The following CCDC117 variants were observed in gnomAD, a reference collection of about 807,000 sequenced individuals.
CCDC117 encodes coiled-coil domain-containing protein 117.
Under a neutral mutation model 23.5 loss-of-function variants are expected in CCDC117, and 1 was observed. The ratio of observed to expected loss-of-function variants is 0.04; its 90% confidence interval spans 0.02 to 0.20. The LOEUF is 0.20. CCDC117 is among the 10% of genes least tolerant of loss of function. The pLI, the probability that CCDC117 is intolerant of heterozygous loss-of-function variation, is 1.00. For missense variants in CCDC117, 383 were observed against 348.2 expected (o/e 1.10, Z -0.80); for synonymous variants, 132 against 124.8 (o/e 1.06, Z -0.39).
At chr22:28,785,397 G>C (rs751662000) in intron 4 of CCDC117, among the ~76,000 whole-genome samples, 5 of 151,664 alleles carry the variant, frequency 3.3e-5, no homozygotes, top group Non-Finnish European at 7.4e-5. Flanking sequence ...CACATTGCCC[G>C]GGCTGGTTGC....
chr22:28,773,824 G>A (rs1389657316), intron 2 of CCDC117, 46 bp downstream of exon 2: 9 of 1,442,554 alleles, frequency 6.2e-6, no homozygotes, highest in Non-Finnish European at 8.8e-6. Flanking sequence ...ACCGTTAGTT[G>A]AACCCCTGTT....
Position 28,786,533 on chromosome 22 carries a change from A to G in CCDC117, c.*207A>G. On this transcript the variant is annotated 3_prime_UTR_variant, in exon 5 of 5. Transcript: ENST00000249064. ...AGGACGTTTGTCTCAAGGGAAAAGCAGTTTTCTGTGGGGCTTATTAAAGGA... is the reference window on the plus strand; with the variant it reads ...AGGACGTTTGTCTCAAGGGAAAAGCGGTTTTCTGTGGGGCTTATTAAAGGA... 1 of 530,174 alleles carries G rather than the reference A, an allele frequency of 1.9e-6. No individual in the cohort carries two copies. The highest frequency in any genetic ancestry group is 3.3e-6 in the Non-Finnish European group (1 of 299,810). 32.8% of individuals were successfully genotyped at this position (530,174 alleles called of 1,614,324 possible). A position where few individuals can be genotyped will look rare whatever the true frequency, so the allele number is the denominator to read the frequency against.
chr22:28,782,653 G>A (rs977257279), intron 3 of CCDC117, among the ~76,000 whole-genome samples: 1 of 152,030 alleles, frequency 6.6e-6, no homozygotes, highest in Non-Finnish European at 1.5e-5. Context: ...TGGCCAGGCT[G>A]GTCTCGAACT....
At chr22:28,777,613 G>C (rs894879966) in intron 2 of CCDC117, among the ~76,000 whole-genome samples, 1 of 151,002 alleles carries the variant, frequency 6.6e-6, no homozygotes, top group Non-Finnish European at 1.5e-5. Context: ...GGGCTCAAGC[G>C]ATTCTCCTGC....
In CCDC117 at chr22:28,786,169, C is replaced by G. The variant is rs369892620; in HGVS notation, c.683C>G (p.Thr228Ser). 6.2e-7 allele frequency: 1 copy of G among 1,613,992 alleles called. No individual in the cohort carries two copies. Among genetic ancestry groups the G allele is most frequent in the African/African-American group, 1.3e-5 (1 of 74,916 alleles). Residue 228 changes from threonine to serine, a missense_variant, in exon 5 of 5, where the codon ACT (threonine) becomes AGT (serine). Physicochemically the swap from Thr to Ser is moderately conservative, Grantham distance 58. Coordinates refer to ENST00000249064, the MANE Select transcript of CCDC117 (RefSeq NM_173510.4). ...LSDKPKPSSNTKNYTGESQAK... is the reference protein window; with the variant it reads ...LSDKPKPSSNSKNYTGESQAK... ...GATAAGCCAAAGCCATCCTCTAATA[C>G]TAAGAACTATACAGGAGAGAGCCAA...
At chr22:28,780,767 A>G (rs972658947) in intron 2 of CCDC117, among the ~76,000 whole-genome samples, 181 bp from the exon 3 acceptor site, 1 of 152,236 alleles carries the variant, frequency 6.6e-6, no homozygotes, top group Non-Finnish European at 1.5e-5. Context: ...GCAGTAGAAG[A>G]AAACAGTTTA....
intron 2 of CCDC117, among the ~76,000 whole-genome samples, chr22:28,774,915 T>C (rs975283387): frequency 6.6e-6 from 1 of 152,168 alleles, no homozygotes; most frequent in Admixed American, 6.5e-5. Context: ...TTTACTCTTC[T>C]GTAGCTTGTT....
rs769663128 is a variant in CCDC117, at chr22:28,786,471, T to G, written c.*145T>G. 2 of 602,722 alleles carry G rather than the reference T, an allele frequency of 3.3e-6. No homozygotes were observed. The highest frequency in any genetic ancestry group is 5.7e-6 in the Non-Finnish European group (2 of 351,940). 37.3% of individuals were successfully genotyped at this position (602,722 alleles called of 1,614,324 possible). A position where few individuals can be genotyped will look rare whatever the true frequency, so the allele number is the denominator to read the frequency against. The stretch of plus-strand genomic sequence containing the variant: ...CTGTGATTTGGGGGTGGGACTCTTA[T>G]TTTGGGTAGCCATTTATTGACTTCA... On this transcript the variant is annotated 3_prime_UTR_variant, in exon 5 of 5. Coordinates refer to ENST00000249064, the MANE Select transcript of CCDC117 (RefSeq NM_173510.4).
rs1305829155 is a variant in CCDC117 at position 28,788,561 on chromosome 22, C to G, written c.*2235C>G. ...GAATTAAGAATCTGTTAATTAAAAT[C>G]CAAACAGAGCTTATTTCAGTAGTCA... is the stretch of plus-strand genomic sequence containing the variant. On this transcript the variant is annotated 3_prime_UTR_variant, in exon 5 of 5. Coordinates refer to ENST00000249064, the MANE Select transcript of CCDC117 (RefSeq NM_173510.4). The G allele has an allele frequency of 1.3e-5, 2 of 152,580 alleles. No individual in the cohort carries two copies. Among genetic ancestry groups the G allele is most frequent in the Admixed American group, 1.3e-4 (2 of 15,274 alleles). The allele number at this position is 152,580 out of a possible 1,614,324, so 9.5% of individuals were successfully genotyped here.
At position 28,781,961 on chromosome 22, in the gene CCDC117, T is replaced by TA. The variant is rs1450583216; in HGVS notation, c.464+792dup. ...CCCAGCCCCCCCCCTTTTTTTTTTT[T>TA]AAATTGATACAGGGTCTTGCTTTGT... On this transcript the variant is annotated intron_variant, in intron 3 of 4. Coordinates refer to ENST00000249064, the MANE Select transcript of CCDC117 (RefSeq NM_173510.4). 4.7e-5 allele frequency among the ~76,000 whole-genome samples: 7 copies of TA among 148,410 alleles called. No individual in the cohort carries two copies. In the East Asian group the frequency reaches 1.2e-3, roughly 25 times the overall value.
At chr22:28,779,225 G>A (rs6005876) in intron 2 of CCDC117, among the ~76,000 whole-genome samples, 17,709 of 151,696 alleles carry the variant, frequency 0.12, 1,516 homozygotes, top group East Asian at 0.28. Context: ...TTTTTGAGAC[G>A]GAGCCTTGGT....
intron 2 of CCDC117, among the ~76,000 whole-genome samples, chr22:28,777,184 G>A (rs769854240): frequency 2.0e-5 from 3 of 151,476 alleles, no homozygotes; most frequent in East Asian, 3.9e-4. Flanking sequence ...GACTACAGGC[G>A]TGTGATAATT....
rs56119508 is a variant in CCDC117 at position 28,786,807 on chromosome 22, G to A, written c.*481G>A. The A allele has an allele frequency of 0.037, 5,732 of 154,758 alleles. 138 individuals carry two copies. Among genetic ancestry groups the A allele is most frequent in the South Asian group, 0.078 (391 of 4,990 alleles). The allele number at this position is 154,758 out of a possible 1,614,324, so 9.6% of individuals were successfully genotyped here. ...GGGAGAAGAAGGGAAGAGAGCAGCAGTAGCTTAAGCCTGTTGCTAAGAAAT... is the reference window on the plus strand; with the variant it reads ...GGGAGAAGAAGGGAAGAGAGCAGCAATAGCTTAAGCCTGTTGCTAAGAAAT... On this transcript the variant is annotated 3_prime_UTR_variant, in exon 5 of 5. Transcript: ENST00000249064.
At chr22:28,778,097 G>A (rs942904662) in intron 2 of CCDC117, among the ~76,000 whole-genome samples, 8 of 151,496 alleles carry the variant, frequency 5.3e-5, no homozygotes, top group Non-Finnish European at 8.8e-5. Flanking sequence ...CGCCCGCCTC[G>A]GCCTCCCAAA....
At chr22:28,773,207 C>G (rs956016836) in intron 1 of CCDC117, 173 bp downstream of exon 1, 13 of 175,894 alleles carry the variant, frequency 7.4e-5, no homozygotes, top group African/African-American at 9.5e-5. Flanking sequence ...AGAAACTGAT[C>G]CCCGGAGACG....
chr22:28,784,007 ACAC>A (rs2031435423), intron 4 of CCDC117, among the ~76,000 whole-genome samples: 2 of 152,214 alleles, frequency 1.3e-5, no homozygotes, highest in Non-Finnish European at 2.9e-5. Flanking sequence ...CCCAGGAACA[ACAC>A]TGCGGCCTAG....
intron 2 of CCDC117, among the ~76,000 whole-genome samples, chr22:28,779,612 TTTTG>T (rs1411032323): frequency 6.6e-6 from 1 of 152,198 alleles, no homozygotes; most frequent in African/African-American, 2.4e-5. Flanking sequence ...AAACCAAACA[TTTTG>T]TTTAATAGTT....
Position 28,773,788 on chromosome 22 carries a change from A to C in CCDC117, c.239+10A>C. 2 of 1,611,004 alleles carry C rather than the reference A, an allele frequency of 1.2e-6. No individual in the cohort carries two copies. The highest frequency in any genetic ancestry group is 8.5e-7 in the Non-Finnish European group (1 of 1,177,072). On this transcript the variant is annotated intron_variant, in intron 2 of 4. Coordinates refer to ENST00000249064, the MANE Select transcript of CCDC117 (RefSeq NM_173510.4). ...AGGAGGAGGATGATGAGTAAGTTTC[A>C]GTGGTTGTTTATTCACTCTGTGGTC...
Position 28,787,303 on chromosome 22 carries a change from C to T in CCDC117, c.*977C>T, listed in dbSNP as rs1033241909. Reference sequence around the variant, plus strand: ...TACAGGTGCCCACCTCCACGCCCAGCTAATTTTTGTATTTTTAATAGAGAC... The same window carrying T: ...TACAGGTGCCCACCTCCACGCCCAGTTAATTTTTGTATTTTTAATAGAGAC... On this transcript the variant is annotated 3_prime_UTR_variant, in exon 5 of 5. Transcript: ENST00000249064. The T allele has an allele frequency of 6.6e-6, 1 of 151,978 alleles. No homozygotes were observed. The highest frequency in any genetic ancestry group is 1.5e-5 in the Non-Finnish European group (1 of 68,002). The allele number at this position is 151,978 out of a possible 1,614,324, so 9.4% of individuals were successfully genotyped here. A position where few individuals can be genotyped will look rare whatever the true frequency, so the allele number is the denominator to read the frequency against.
Sources: gnomAD v4.1 joint callset for allele counts (sites outside exome capture counted in the v4.1 genomes callset) on GRCh38, gnomAD v4.1.1 for gene constraint, MANE v1.5 for transcripts, NCBI Gene and HGNC (gene_info 2026-07-23, HGNC 2026-07-21) for gene names.